The following TNR variants were observed in gnomAD, a reference collection of about 807,000 sequenced individuals.
The protein encoded by TNR is tenascin-R.
TNR carries 45 observed loss-of-function variants against 150.4 expected under a neutral mutation model. The observed-to-expected ratio is 0.30, with a 90% CI of 0.24 to 0.38. The LOEUF (loss-of-function observed/expected upper bound fraction) is 0.38. TNR is among the 10% of genes least tolerant of loss of function. The pLI is 1.00. For synonymous variants in TNR, 687 were observed against 678.4 expected, an observed-to-expected ratio of 1.01 and a Z score of -0.20; for missense variants, 1,544 against 1,759.1, an observed-to-expected ratio of 0.88 and a Z score of 2.19.
intron 1 of TNR, among the ~76,000 whole-genome samples, chr1:175,669,647 G>A (rs1392196630): frequency 6.6e-6 from 1 of 152,216 alleles, no homozygotes; most frequent in Non-Finnish European, 1.5e-5. Context: ...ACCATCACCA[G>A]CCGAGCCAGG....
At position 175,429,405 on chromosome 1, in the gene TNR, A is replaced by G. The variant is rs575585321; in HGVS notation, c.-63-22628T>C. Reference sequence around the variant, plus strand: ...ACAGATTCTAAACCTGGACTGCCAGAGTGAATCCTGACTCCAATAGTTGCT... The same window carrying G: ...ACAGATTCTAAACCTGGACTGCCAGGGTGAATCCTGACTCCAATAGTTGCT... On this transcript the variant is annotated intron_variant, in intron 2 of 22. Transcript: ENST00000367674. Among the ~76,000 whole-genome samples the G allele has an allele frequency of 5.3e-5, 8 of 152,356 alleles. No individual in the cohort carries two copies. In the South Asian group the frequency reaches 1.4e-3, roughly 28 times the overall value.
chr1:175,687,772 C>T (rs1370843156), intron 1 of TNR, among the ~76,000 whole-genome samples: 1 of 151,922 alleles, frequency 6.6e-6, no homozygotes, highest in Non-Finnish European at 1.5e-5. Context: ...CTGTCAGGAT[C>T]ACATGCTTCA....
At position 175,323,334 on chromosome 1, in the gene TNR, G is replaced by A. The variant is rs1301020475; in HGVS notation, c.*23C>T. ...TACAAACAAATGACAGAAAATATTG[G>A]TTGGCTTGCAGCCGCCCACTGCTCA... On this transcript the variant is annotated 3_prime_UTR_variant, in exon 23 of 23. Coordinates refer to ENST00000367674, the MANE Select transcript of TNR (RefSeq NM_003285.3). 1 of 1,609,214 alleles carries A rather than the reference G, an allele frequency of 6.2e-7. No individual in the cohort carries two copies. Among genetic ancestry groups the A allele is most frequent in the Non-Finnish European group, 8.5e-7 (1 of 1,178,270 alleles).
At chr1:175,468,016 C>G (rs879388321) in intron 2 of TNR, among the ~76,000 whole-genome samples, 14 of 152,182 alleles carry the variant, frequency 9.2e-5, no homozygotes, top group Non-Finnish European at 2.1e-4. Flanking sequence ...GATACGGCAG[C>G]AGAGAAAGCT....
intron 2 of TNR, among the ~76,000 whole-genome samples, chr1:175,483,163 A>G (rs1056681614): frequency 1.3e-5 from 2 of 152,178 alleles, no homozygotes; most frequent in Non-Finnish European, 2.9e-5. Flanking sequence ...CATGCCTTCA[A>G]AGGCCCTGTA....
intron 2 of TNR, among the ~76,000 whole-genome samples, chr1:175,483,787 C>T (rs377193078): frequency 6.6e-6 from 1 of 152,302 alleles, no homozygotes; most frequent in East Asian, 1.9e-4. Context: ...GCAGTCCAGG[C>T]TCTGTGGCTG....
At chr1:175,638,640 G>A (rs576175126) in intron 1 of TNR, among the ~76,000 whole-genome samples, 1 of 152,128 alleles carries the variant, frequency 6.6e-6, no homozygotes, top group South Asian at 2.1e-4. Flanking sequence ...GGAAAGTTAG[G>A]GTACCAAACT....
intron 1 of TNR, among the ~76,000 whole-genome samples, chr1:175,682,538 T>G (rs1021996241): frequency 3.3e-5 from 5 of 152,306 alleles, no homozygotes; most frequent in Non-Finnish European, 7.4e-5. Flanking sequence ...AAGTCCTGAC[T>G]CCCACCATCT....
intron 18 of TNR, among the ~76,000 whole-genome samples, chr1:175,349,389 T>C (rs990499631): frequency 1.3e-5 from 2 of 152,212 alleles, no homozygotes; most frequent in Non-Finnish European, 2.9e-5. Context: ...GTGCCCACCA[T>C]GCAGTATTTT....
intron 1 of TNR, among the ~76,000 whole-genome samples, chr1:175,571,650 C>A (rs1428672221): frequency 6.6e-6 from 1 of 152,196 alleles, no homozygotes; most frequent in Non-Finnish European, 1.5e-5. Context: ...TTAGCCACAC[C>A]TTTGCATTTT....
In TNR at chr1:175,738,980, G is replaced by A. The variant is rs183775935; in HGVS notation, c.-165+4246C>T. Among the ~76,000 whole-genome samples the A allele has an allele frequency of 1.6e-4, 25 of 152,254 alleles. No homozygotes were observed. In the East Asian group the frequency reaches 4.1e-3, roughly 25 times the overall value. On this transcript the variant is annotated intron_variant, in intron 1 of 22. Coordinates refer to ENST00000367674, the MANE Select transcript of TNR (RefSeq NM_003285.3). ...CTACTGGAATTGGCTTGTGGGCATC[G>A]TTCAACTTTGTATTTCTGTATTAGG...
In TNR at chr1:175,386,236, T is replaced by C. The variant is rs764867229; in HGVS notation, c.1573A>G (p.Ile525Val). Residue 525 changes from isoleucine (I) to valine (V), a missense_variant, in exon 8 of 23, where the codon ATT (isoleucine) becomes GTT (valine). Coordinates refer to ENST00000367674, the MANE Select transcript of TNR (RefSeq NM_003285.3). ...AAATCGACTTTGGCTCGAGGGGGAA[T>C]CCACTCCACAAAAGCCACAGTGTCC... ...VSDTVAFVEWIPPRAKVDFIL... is the reference protein window; with the variant it reads ...VSDTVAFVEWVPPRAKVDFIL... 6.2e-7 allele frequency: 1 copy of C among 1,606,450 alleles called. No individual in the cohort carries two copies. The highest frequency in any genetic ancestry group is 8.5e-7 in the Non-Finnish European group (1 of 1,173,950).
At chr1:175,459,716 G>T (rs375321807) in intron 2 of TNR, among the ~76,000 whole-genome samples, 30 of 152,318 alleles carry the variant, frequency 2.0e-4, no homozygotes, top group African/African-American at 7.2e-4. Flanking sequence ...AAGTCTGGCA[G>T]ACAGGGGCTG....
At chr1:175,589,262 T>C (rs1662698144) in intron 1 of TNR, among the ~76,000 whole-genome samples, 1 of 152,224 alleles carries the variant, frequency 6.6e-6, no homozygotes, top group African/African-American at 2.4e-5. Flanking sequence ...ATTTACAGCA[T>C]TATTTTTCTT....
At chr1:175,587,806 C>A (rs888327186) in intron 1 of TNR, among the ~76,000 whole-genome samples, 10 of 152,150 alleles carry the variant, frequency 6.6e-5, no homozygotes, top group Non-Finnish European at 1.0e-4. Context: ...AAGCACTGGA[C>A]AAGAAAAAGA....
chr1:175,334,967 A>G (rs1650156919), intron 20 of TNR, among the ~76,000 whole-genome samples: 1 of 152,222 alleles, frequency 6.6e-6, no homozygotes, highest in Non-Finnish European at 1.5e-5. Flanking sequence ...GAAGCTTGTT[A>G]TCTAGGCACC....
intron 2 of TNR, among the ~76,000 whole-genome samples, chr1:175,501,844 C>T (rs1002142669): frequency 2.0e-5 from 3 of 152,204 alleles, no homozygotes; most frequent in African/African-American, 7.2e-5. Context: ...CACTGTGAAG[C>T]ACTGTGCTAA....
intron 1 of TNR, among the ~76,000 whole-genome samples, chr1:175,700,764 G>A (rs1666669565): frequency 1.3e-5 from 2 of 152,172 alleles, no homozygotes; most frequent in Non-Finnish European, 2.9e-5. Context: ...GCTGACACTA[G>A]CAGACTCTAG....
intron 2 of TNR, among the ~76,000 whole-genome samples, chr1:175,454,848 G>A (rs755030911): frequency 3.3e-5 from 5 of 152,158 alleles, no homozygotes; most frequent in African/African-American, 9.7e-5. Flanking sequence ...TCATCTGCAC[G>A]GTGGGAACAC....
Sources: allele counts gnomAD v4.1 joint callset (sites outside exome capture counted in the v4.1 genomes callset), GRCh38; gene constraint gnomAD v4.1.1; transcripts MANE v1.5; gene names NCBI Gene and HGNC (gene_info 2026-07-23, HGNC 2026-07-21).